The following KALRN variants were observed in gnomAD, a reference collection of about 807,000 sequenced individuals.
KALRN encodes kalirin RhoGEF kinase.
Under a neutral mutation model 353.7 loss-of-function variants are expected in KALRN, and 70 were observed. The ratio of observed to expected loss-of-function variants is 0.20; its 90% CI spans 0.16 to 0.24. KALRN has a LOEUF of 0.24. Among genes scored for constraint, KALRN ranks in the 10% least tolerant of loss-of-function variants. The pLI, the probability that KALRN is intolerant of heterozygous loss-of-function variation, is 1.00. For missense variants in KALRN, 2,791 were observed against 3,756.7 expected, an observed-to-expected ratio of 0.74 and a Z score of 6.72; for synonymous variants, 1,391 against 1,434.8, an observed-to-expected ratio of 0.97 and a Z score of 0.69.
chr3:124,148,974 A>T (rs2067728123), intron 1 of KALRN, among the ~76,000 whole-genome samples: 1 of 152,178 alleles, frequency 6.6e-6, no homozygotes, highest in Non-Finnish European at 1.5e-5. Flanking sequence ...ATAACTTTAT[A>T]TTATTATTAT....
chr3:124,513,288 T>G (rs2066151291), intron 33 of KALRN, among the ~76,000 whole-genome samples: 1 of 152,164 alleles, frequency 6.6e-6, no homozygotes, highest in Non-Finnish European at 1.5e-5. Context: ...GAAATATAGC[T>G]TCAAATTCAT....
intron 21 of KALRN, 123 bp downstream of exon 21, chr3:124,447,008 GA>G: frequency 8.9e-7 from 1 of 1,126,684 alleles, no homozygotes; most frequent in East Asian, 2.4e-5. Flanking sequence ...GGCAAGGGGG[GA>G]AGCATGTAAA....
At chr3:124,437,162 GT>G (rs1460368325) in intron 17 of KALRN, among the ~76,000 whole-genome samples, 5 of 151,404 alleles carry the variant, frequency 3.3e-5, no homozygotes, top group African/African-American at 1.2e-4. Context: ...CTCAAGATTG[GT>G]GACAGATCTT....
chr3:124,496,479 T>C, intron 33 of KALRN, 66 bp downstream of exon 33: 1 of 1,174,854 alleles, frequency 8.5e-7, no homozygotes, highest in Non-Finnish European at 1.3e-6. Context: ...CCTGGAGAGG[T>C]ACCCCTAGAG....
intron 33 of KALRN, among the ~76,000 whole-genome samples, chr3:124,524,610 G>T (rs1463491449): frequency 6.6e-6 from 1 of 152,176 alleles, no homozygotes; most frequent in Non-Finnish European, 1.5e-5. Flanking sequence ...GAGAAAACAG[G>T]TTGAGTTGTG....
At chr3:124,217,476 G>A (rs1338388309) in intron 1 of KALRN, among the ~76,000 whole-genome samples, 2 of 152,102 alleles carry the variant, frequency 1.3e-5, no homozygotes, top group South Asian at 2.1e-4. Context: ...GTGTGTGTGC[G>A]TGTATGGGTA....
At chr3:124,589,872 C>G (rs2713659) in intron 34 of KALRN, among the ~76,000 whole-genome samples, 19,777 of 152,042 alleles carry the variant, frequency 0.13, 2,922 homozygotes, top group East Asian at 0.4. Context: ...TTTCGCATCC[C>G]ACAAATACAG....
chr3:124,201,032 C>T (rs2075895083), intron 1 of KALRN, among the ~76,000 whole-genome samples: 1 of 152,186 alleles, frequency 6.6e-6, no homozygotes, highest in Admixed American at 6.5e-5. Context: ...GTGATCTTCT[C>T]TTCCTAAATA....
chr3:124,513,733 A>T (rs2066211826), intron 33 of KALRN, among the ~76,000 whole-genome samples: 1 of 152,162 alleles, frequency 6.6e-6, no homozygotes, highest in South Asian at 2.1e-4. Context: ...CAAGAGGAAA[A>T]ACATAGATTG....
At chr3:124,039,153 A>G (rs2039706223) in intron 1 of KALRN, among the ~76,000 whole-genome samples, 2 of 152,002 alleles carry the variant, frequency 1.3e-5, no homozygotes, top group Non-Finnish European at 2.9e-5. Flanking sequence ...TCACAGCTCA[A>G]CTCCAGCCAG....
chr3:124,508,619 T>C (rs1397504967), intron 33 of KALRN, among the ~76,000 whole-genome samples: 3 of 152,226 alleles, frequency 2.0e-5, no homozygotes, highest in Non-Finnish European at 4.4e-5. Flanking sequence ...GATATTCTGG[T>C]ATACATACCC....
intron 45 of KALRN, among the ~76,000 whole-genome samples, chr3:124,666,219 C>T (rs1355303672): frequency 3.3e-5 from 5 of 152,200 alleles, no homozygotes; most frequent in Admixed American, 6.5e-5. Flanking sequence ...TCAGTGGTTC[C>T]GCAGCTTGCT....
chr3:124,375,074 C>A (rs2086401384), intron 10 of KALRN, among the ~76,000 whole-genome samples: 1 of 152,114 alleles, frequency 6.6e-6, no homozygotes, highest in Admixed American at 6.5e-5. Context: ...TGTTCCCCTT[C>A]ATTGTTTTGC....
intron 10 of KALRN, among the ~76,000 whole-genome samples, chr3:124,369,417 G>A (rs955833246): frequency 3.9e-5 from 6 of 152,174 alleles, no homozygotes; most frequent in Middle Eastern, 3.4e-3. Flanking sequence ...GACTCCCAAG[G>A]TAATCAGTTA....
rs972487381 is a variant in KALRN at position 124,678,073 on chromosome 3, G to C, written c.7194-117G>C. 3 of 1,144,860 alleles carry C rather than the reference G, an allele frequency of 2.6e-6. No individual in the cohort carries two copies. In the African/African-American group the frequency reaches 4.6e-5, roughly 17 times the overall value. The allele number at this position is 1,144,860 out of a possible 1,614,324, so 70.9% of individuals were successfully genotyped here. ...GCTGGTGTGCAGGTTTGGGGCCTCTGAAGCCCGGGCTTGATGGAGCACCTC... is the reference window on the plus strand; with the variant it reads ...GCTGGTGTGCAGGTTTGGGGCCTCTCAAGCCCGGGCTTGATGGAGCACCTC... On this transcript the variant is annotated intron_variant, in intron 49 of 59. Coordinates refer to ENST00000682506, the MANE Select transcript of KALRN (RefSeq NM_001388419.1).
intron 1 of KALRN, among the ~76,000 whole-genome samples, chr3:124,140,718 C>A (rs979971290): frequency 7.9e-5 from 12 of 152,068 alleles, no homozygotes; most frequent in African/African-American, 2.7e-4. Flanking sequence ...CCCTGAGAGT[C>A]CATTCCCATT....
intron 34 of KALRN, among the ~76,000 whole-genome samples, chr3:124,603,033 C>G (rs1236172025): frequency 1.3e-5 from 2 of 152,070 alleles, no homozygotes; most frequent in Admixed American, 6.6e-5. Context: ...TGCCTGAAAC[C>G]ATGGGATGGG....
chr3:124,662,936 C>A (rs1380573155), intron 45 of KALRN, among the ~76,000 whole-genome samples: 1 of 151,836 alleles, frequency 6.6e-6, no homozygotes, highest in Non-Finnish European at 1.5e-5. Flanking sequence ...ACATTCCCTT[C>A]CCTCTGTGTT....
At chr3:124,092,868 A>T (rs2149373134) in intron 1 of KALRN, among the ~76,000 whole-genome samples, 1 of 152,328 alleles carries the variant, frequency 6.6e-6, no homozygotes, top group South Asian at 2.1e-4. Flanking sequence ...TACTGGCCAC[A>T]TGTGAGCGAT....
Sources: gnomAD v4.1 joint callset for allele counts (sites outside exome capture counted in the v4.1 genomes callset) on GRCh38, gnomAD v4.1.1 for gene constraint, MANE v1.5 for transcripts, NCBI Gene and HGNC (gene_info 2026-07-23, HGNC 2026-07-21) for gene names.